The following SLC4A4 variants were observed in gnomAD, a reference collection of about 807,000 sequenced individuals.
SLC4A4 encodes solute carrier family 4 member 4.
A neutral mutation model predicts 111.5 loss-of-function variants in SLC4A4; 27 were observed. The observed-to-expected ratio is 0.24, with a 90% CI of 0.18 to 0.33. The LOEUF is 0.33. Ranked by LOEUF, SLC4A4 falls within the 10% of genes least tolerant of loss-of-function variation. The pLI is 1.00. For synonymous variants in SLC4A4, 443 were observed against 463.4 expected, an observed-to-expected ratio of 0.96 and a Z score of 0.57; for missense variants, 909 against 1,315.5, an observed-to-expected ratio of 0.69 and a Z score of 4.78.
chr4:71,241,066 C>G (rs1226576390), intron 2 of SLC4A4, among the ~76,000 whole-genome samples: 1 of 152,076 alleles, frequency 6.6e-6, no homozygotes, highest in African/African-American at 2.4e-5. Flanking sequence ...CTACAGTGAA[C>G]TGTGATTGTG....
intron 19 of SLC4A4, 55 bp from the exon 20 acceptor site, chr4:71,547,593 A>T: frequency 7.1e-7 from 1 of 1,407,822 alleles, no homozygotes; most frequent in Non-Finnish European, 1.0e-6. Context: ...TGAAAAGACA[A>T]GAGCATGTTT....
chr4:71,099,253 T>G (rs1021261672), intron 2 of SLC4A4, among the ~76,000 whole-genome samples: 1 of 152,100 alleles, frequency 6.6e-6, no homozygotes, highest in Non-Finnish European at 1.5e-5. Flanking sequence ...CCAAACATAC[T>G]TTTGGACCAT....
At chr4:71,197,113 G>T (rs1746046276) in intron 1 of SLC4A4, among the ~76,000 whole-genome samples, 1 of 151,952 alleles carries the variant, frequency 6.6e-6, no homozygotes, top group South Asian at 2.1e-4. Context: ...TACTTGGGAG[G>T]CTAAGACAGG....
intron 1 of SLC4A4, among the ~76,000 whole-genome samples, chr4:71,223,671 T>A (rs572754203): frequency 1.3e-5 from 2 of 152,088 alleles, no homozygotes; most frequent in Non-Finnish European, 2.9e-5. Flanking sequence ...AAGAAAAGCC[T>A]GCCCAAAGCC....
At chr4:71,396,454 T>A (rs1231457077) in intron 6 of SLC4A4, among the ~76,000 whole-genome samples, 1 of 152,222 alleles carries the variant, frequency 6.6e-6, no homozygotes, top group Non-Finnish European at 1.5e-5. Context: ...GGAATTAAAG[T>A]CTAATCTAAA....
chr4:71,431,660 C>A (rs185412535), intron 7 of SLC4A4, among the ~76,000 whole-genome samples: 1 of 151,400 alleles, frequency 6.6e-6, no homozygotes, highest in African/African-American at 2.4e-5. Flanking sequence ...TGTTCAGGCA[C>A]CACACATTTT....
At chr4:71,089,771 G>T (rs1389791184) in intron 1 of SLC4A4, among the ~76,000 whole-genome samples, 1 of 151,986 alleles carries the variant, frequency 6.6e-6, no homozygotes, top group East Asian at 1.9e-4. Flanking sequence ...TTGTCTCAGA[G>T]GAGTACCCGG....
rs368152753 is a variant in SLC4A4, at chr4:71,334,225, A to G, written c.254-5145A>G. Among the ~76,000 whole-genome samples the G allele has an allele frequency of 9.1e-4, 138 of 152,212 alleles. 3 individuals are homozygous for G. The South Asian group carries it at 0.028, about 31-fold the overall frequency. On this transcript the variant is annotated intron_variant, in intron 3 of 25. Coordinates refer to ENST00000264485, the MANE Select transcript of SLC4A4 (RefSeq NM_001098484.3). ...CAAAGCCCAAGGTCTCTTAGTCAGCAGGTGATGAATCTTGCCAAGACTGGG... is the reference window on the plus strand; with the variant it reads ...CAAAGCCCAAGGTCTCTTAGTCAGCGGGTGATGAATCTTGCCAAGACTGGG...
At chr4:71,267,872 A>G (rs890331621) in intron 3 of SLC4A4, among the ~76,000 whole-genome samples, 24 of 150,858 alleles carry the variant, frequency 1.6e-4, no homozygotes, top group Admixed American at 2.0e-4. Context: ...AAATGCCATG[A>G]TAAAAGCACA....
intron 2 of SLC4A4, among the ~76,000 whole-genome samples, chr4:71,180,636 A>T (rs1337558569): frequency 3.9e-5 from 6 of 152,356 alleles, no homozygotes; most frequent in Non-Finnish European, 8.8e-5. Context: ...AATGCAAATC[A>T]AAACCACAAT....
chr4:71,467,393 A>G (rs1727470452), intron 13 of SLC4A4, among the ~76,000 whole-genome samples: 1 of 152,112 alleles, frequency 6.6e-6, no homozygotes, highest in South Asian at 2.1e-4. Context: ...AATACCTAAC[A>G]TTTATTGAGA....
At chr4:71,230,676 C>G (rs1719357609) in intron 1 of SLC4A4, among the ~76,000 whole-genome samples, 1 of 152,158 alleles carries the variant, frequency 6.6e-6, no homozygotes, top group African/African-American at 2.4e-5. Context: ...GGGTGCCATC[C>G]CCGATGCCTT....
chr4:71,311,220 CTT>C (rs771899846), intron 3 of SLC4A4, among the ~76,000 whole-genome samples: 4 of 152,142 alleles, frequency 2.6e-5, no homozygotes, highest in Admixed American at 2.0e-4. Context: ...TACAAAGAGA[CTT>C]AGACTCCCAC....
chr4:71,076,333 C>A (rs1454119612), intron 1 of SLC4A4, among the ~76,000 whole-genome samples: 1 of 152,086 alleles, frequency 6.6e-6, no homozygotes, highest in East Asian at 1.9e-4. Flanking sequence ...AAGTTCAAGA[C>A]CAGCCTGGCC....
chr4:71,392,563 C>G (rs966620489), intron 6 of SLC4A4, among the ~76,000 whole-genome samples: 1 of 152,008 alleles, frequency 6.6e-6, no homozygotes, highest in African/African-American at 2.4e-5. Flanking sequence ...CCGCTCATAT[C>G]CAGAGTGTTG....
At position 71,357,122 on chromosome 4, in the gene SLC4A4, G is replaced by T. The variant is rs1234237169; in HGVS notation, c.665G>T (p.Arg222Leu). 1 of 1,613,946 alleles carries T rather than the reference G, an allele frequency of 6.2e-7. No homozygotes were observed. The highest frequency in any genetic ancestry group is 8.5e-7 in the Non-Finnish European group (1 of 1,180,010). Reference protein sequence around the residue: ...HRHQTKKSNLRSLADIGKTVS... With the variant: ...HRHQTKKSNLLSLADIGKTVS... ...CATCAAACCAAGAAATCCAACCTTC[G>T]GTCCCTGGCTGACATTGGGAAGACA... The change falls in exon 6 of 26, where the codon CGG becomes CTG. Residue 222 changes from arginine (R) to leucine (L), a missense_variant. By Grantham distance (102) the Arg-to-Leu change is moderately radical. Transcript: ENST00000264485.
In SLC4A4 at chr4:71,096,469, A is replaced by C. The variant is rs538782525; in HGVS notation, c.-2+3677A>C. Among the ~76,000 whole-genome samples, 7 of 152,316 alleles carry C rather than the reference A, an allele frequency of 4.6e-5. No individual in the cohort carries two copies. The East Asian group carries it at 1.3e-3, about 29-fold the overall frequency. The stretch of plus-strand genomic sequence containing the variant: ...CAGAAGTGAAAGGAGAGAATTTTTC[A>C]GGACTGGGGCTTGCCTCGGGCACAA... On this transcript the variant is annotated intron_variant, in intron 2 of 26. Transcript: ENST00000649996.
chr4:71,088,831 C>T (rs570349553), intron 1 of SLC4A4, among the ~76,000 whole-genome samples: 509 of 152,144 alleles, frequency 3.3e-3, no homozygotes, highest in Non-Finnish European at 5.2e-3. Context: ...TCTGGCTGCC[C>T]TTAACATTTT....
intron 7 of SLC4A4, among the ~76,000 whole-genome samples, chr4:71,428,830 T>A (rs1723384388): frequency 6.6e-6 from 1 of 151,864 alleles, no homozygotes; most frequent in South Asian, 2.1e-4. Context: ...ATGTATAGAA[T>A]GAGATAGCAA....
Sources: gnomAD v4.1 joint callset for allele counts (sites outside exome capture counted in the v4.1 genomes callset) on GRCh38, gnomAD v4.1.1 for gene constraint, MANE v1.5 for transcripts, NCBI Gene and HGNC (gene_info 2026-07-23, HGNC 2026-07-21) for gene names.